GRID2: variants seen among roughly 807,000 people sequenced by gnomAD.
GRID2 encodes glutamate ionotropic receptor delta type subunit 2, also known as glutamate receptor ionotropic, delta-2.
Under a neutral mutation model 114.8 loss-of-function variants are expected in GRID2, and 33 were observed. The observed-to-expected ratio is 0.29, with a 90% CI of 0.22 to 0.38. The LOEUF is 0.38. GRID2 is among the 10% of genes least tolerant of loss of function. GRID2 has a pLI of 1.00. For missense variants in GRID2, 1,184 were observed against 1,257.7 expected (o/e 0.94, Z 0.89); for synonymous variants, 505 against 449.9 (o/e 1.12, Z -1.55).
At chr4:92,813,158 A>G (rs1740733846) in intron 2 of GRID2, among the ~76,000 whole-genome samples, 1 of 152,144 alleles carries the variant, frequency 6.6e-6, no homozygotes, top group South Asian at 2.1e-4. Context: ...AAATTATGAT[A>G]AAAATATATT....
Position 93,772,370 on chromosome 4 carries a change from A to G in GRID2, c.2896A>G (p.Arg966Gly), listed in dbSNP as rs147603759. The change falls in exon 16 of 16, where the codon AGG becomes GGG. Residue 966 changes from arginine to glycine, a missense_variant. Arg to Gly is a moderately radical substitution (Grantham distance 125). Around this residue, in one of 3 missense-constraint regions of GRID2, gnomAD observed 717 missense variants for 796.9 expected, o/e 0.90. Transcript: ENST00000282020. ...NVPEHRTGPF[R>G]HRAPNGGFFR... The stretch of plus-strand genomic sequence containing the variant: ...GCCTGAGCACCGAACTGGCCCTTTT[A>G]GGCACAGGGCACCTAATGGGGGCTT... 1.3e-4 allele frequency: 206 copies of G among 1,613,946 alleles called. No individual in the cohort carries two copies. Among genetic ancestry groups the G allele is most frequent in the Non-Finnish European group, 1.6e-4 (193 of 1,179,984 alleles).
At chr4:93,055,574 C>T (rs1233049566) in intron 2 of GRID2, among the ~76,000 whole-genome samples, 1 of 151,728 alleles carries the variant, frequency 6.6e-6, no homozygotes, top group Non-Finnish European at 1.5e-5. Context: ...AATTGGATAG[C>T]CTACCAAATC....
intron 14 of GRID2, among the ~76,000 whole-genome samples, chr4:93,667,466 T>A (rs1488196736): frequency 6.6e-6 from 1 of 151,840 alleles, no homozygotes; most frequent in South Asian, 2.1e-4. Context: ...AGAAGACTTA[T>A]CTTTACTGCC....
chr4:92,390,152 C>T (rs28702474), intron 1 of GRID2, among the ~76,000 whole-genome samples: 63,152 of 151,752 alleles, frequency 0.42, 14,235 homozygotes, highest in East Asian at 0.7. Flanking sequence ...GAATTTAACA[C>T]GGAAGACAGA....
intron 2 of GRID2, among the ~76,000 whole-genome samples, chr4:92,604,106 C>G (rs1474686938): frequency 6.6e-6 from 1 of 152,080 alleles, no homozygotes; most frequent in African/African-American, 2.4e-5. Context: ...CAAATCAGTT[C>G]AACCATTGTG....
At chr4:93,731,665 G>A (rs905642712) in intron 14 of GRID2, among the ~76,000 whole-genome samples, 6 of 152,174 alleles carry the variant, frequency 3.9e-5, no homozygotes, top group African/African-American at 1.2e-4. Flanking sequence ...GCTGAGTCAC[G>A]CAGAGGACTC....
intron 1 of GRID2, among the ~76,000 whole-genome samples, chr4:92,533,192 G>GTTTTTTTTTTTT (rs146847345): frequency 6.8e-6 from 1 of 148,092 alleles, no homozygotes. Context: ...GTGTTTTTTT[G>GTTTTTTTTTTTT]TTTTTTTTGT....
At chr4:92,378,596 G>A (rs1729465996) in intron 1 of GRID2, among the ~76,000 whole-genome samples, 1 of 151,836 alleles carries the variant, frequency 6.6e-6, no homozygotes, top group South Asian at 2.1e-4. Flanking sequence ...CCTATCTTGA[G>A]CACACAACAT....
rs558504579 is a variant in GRID2 at position 93,218,138 on chromosome 4, G to A, written c.963+1227G>A. The stretch of plus-strand genomic sequence containing the variant: ...CTTCTAATTACTATCACTGTAGTAC[G>A]TGGACTGGCTCCAGGATCATTACCC... On this transcript the variant is annotated intron_variant, in intron 6 of 15. Transcript: ENST00000282020. Among the ~76,000 whole-genome samples, 10 of 151,996 alleles carry A rather than the reference G, an allele frequency of 6.6e-5. No homozygotes were observed. The South Asian group carries it at 1.0e-3, about 16-fold the overall frequency.
chr4:92,962,211 T>C (rs1222234815), intron 2 of GRID2, among the ~76,000 whole-genome samples: 1 of 152,056 alleles, frequency 6.6e-6, no homozygotes, highest in East Asian at 1.9e-4. Flanking sequence ...TGTGTGTGTT[T>C]CTTTTTTTAG....
At chr4:92,945,337 TATGAGA>T (rs1485685261) in intron 2 of GRID2, among the ~76,000 whole-genome samples, 1 of 152,166 alleles carries the variant, frequency 6.6e-6, no homozygotes, top group African/African-American at 2.4e-5. Context: ...CAACATTACT[TATGAGA>T]ATAATACCAA....
chr4:93,053,500 T>C (rs1726920433), intron 2 of GRID2, among the ~76,000 whole-genome samples: 1 of 151,950 alleles, frequency 6.6e-6, no homozygotes, highest in Non-Finnish European at 1.5e-5. Flanking sequence ...TTTCTCTCCT[T>C]CGAAGGCACA....
chr4:92,836,063 G>C (rs1289442686), intron 2 of GRID2, among the ~76,000 whole-genome samples: 1 of 152,068 alleles, frequency 6.6e-6, no homozygotes, highest in East Asian at 1.9e-4. Context: ...AATACAACCA[G>C]TATCTTCTTT....
chr4:93,624,520 T>A (rs1439504276), intron 13 of GRID2, among the ~76,000 whole-genome samples: 3 of 152,170 alleles, frequency 2.0e-5, no homozygotes, highest in South Asian at 2.1e-4. Flanking sequence ...AATAGATAGA[T>A]AACAGGTAGA....
At chr4:92,745,183 G>A (rs1737088351) in intron 2 of GRID2, among the ~76,000 whole-genome samples, 1 of 152,112 alleles carries the variant, frequency 6.6e-6, no homozygotes, top group African/African-American at 2.4e-5. Context: ...AATTACTTAT[G>A]ATCATTGTTT....
intron 8 of GRID2, among the ~76,000 whole-genome samples, chr4:93,263,332 C>T (rs942044532): frequency 2.0e-5 from 3 of 151,880 alleles, no homozygotes; most frequent in Admixed American, 1.3e-4. Context: ...AGAATGAAGC[C>T]GTTACTCAGC....
chr4:92,313,487 AAAG>A (rs1224233265), intron 1 of GRID2, among the ~76,000 whole-genome samples: 1 of 152,036 alleles, frequency 6.6e-6, no homozygotes, highest in Non-Finnish European at 1.5e-5. Flanking sequence ...AAATTAAAAG[AAAG>A]AAAATAATAA....
At chr4:93,059,019 GC>G (rs1026548333) in intron 2 of GRID2, among the ~76,000 whole-genome samples, 2 of 152,004 alleles carry the variant, frequency 1.3e-5, no homozygotes, top group Non-Finnish European at 1.5e-5. Flanking sequence ...GTAGAAAGAA[GC>G]CACCTTGCAA....
At chr4:93,475,006 T>C (rs1725188255) in intron 11 of GRID2, among the ~76,000 whole-genome samples, 1 of 152,152 alleles carries the variant, frequency 6.6e-6, no homozygotes, top group Non-Finnish European at 1.5e-5. Context: ...TTGTTTTGTT[T>C]TGCAACTTCA....
Sources: allele counts gnomAD v4.1 joint callset (sites outside exome capture counted in the v4.1 genomes callset), GRCh38; gene constraint gnomAD v4.1.1; regional missense constraint gnomAD v4.1.1; transcripts MANE v1.5; gene names NCBI Gene and HGNC (gene_info 2026-07-23, HGNC 2026-07-21).